The following LRP1B variants were observed in gnomAD, a reference collection of about 807,000 sequenced individuals.
LRP1B encodes LDL receptor related protein 1B, also known as low-density lipoprotein receptor-related protein 1B.
A neutral mutation model predicts 556.6 loss-of-function variants in LRP1B; 217 were observed. That is an observed-to-expected ratio of 0.39 (90% CI 0.35 to 0.44). LRP1B has a LOEUF of 0.44. Among genes scored for constraint, LRP1B ranks in the 20% least tolerant of loss-of-function variants. The probability of loss-of-function intolerance (pLI) is 1.00; values close to 1 mark genes in which losing one functional copy is unlikely to be tolerated. For synonymous variants in LRP1B, 2,047 were observed against 1,865.8 expected (o/e 1.10, Z -2.50); for missense variants, 5,053 against 5,620.8 (o/e 0.90, Z 3.23).
intron 41 of LRP1B, among the ~76,000 whole-genome samples, chr2:140,671,477 C>A (rs938253195): frequency 6.6e-6 from 1 of 152,114 alleles, no homozygotes; most frequent in East Asian, 1.9e-4. Flanking sequence ...GCCAAGATAG[C>A]GCCATTGCAG....
intron 1 of LRP1B, among the ~76,000 whole-genome samples, chr2:142,088,569 C>T (rs984449020): frequency 6.6e-6 from 1 of 152,082 alleles, no homozygotes; most frequent in African/African-American, 2.4e-5. Context: ...CCTTCGCCTA[C>T]AAAAAAGCTA....
At chr2:140,418,766 G>A (rs1332498487) in intron 66 of LRP1B, among the ~76,000 whole-genome samples, 1 of 151,918 alleles carries the variant, frequency 6.6e-6, no homozygotes, top group Non-Finnish European at 1.5e-5. Flanking sequence ...ATATTATGAT[G>A]TAATAATAAT....
chr2:141,648,564 C>T (rs180734849), intron 2 of LRP1B, among the ~76,000 whole-genome samples: 41 of 152,228 alleles, frequency 2.7e-4, no homozygotes, highest in East Asian at 3.9e-4. Context: ...ATATTTGTTT[C>T]CTATTTCATT....
At chr2:141,187,801 AG>A (rs1681323230) in intron 7 of LRP1B, among the ~76,000 whole-genome samples, 1 of 151,982 alleles carries the variant, frequency 6.6e-6, no homozygotes, top group Non-Finnish European at 1.5e-5. Flanking sequence ...GAATGTCAGA[AG>A]GTCTCTATTT....
rs557952367 is a variant in LRP1B at position 140,670,407 on chromosome 2, G to A, written c.6799+29843C>T. On this transcript the variant is annotated intron_variant, in intron 41 of 90. Coordinates refer to ENST00000389484, the MANE Select transcript of LRP1B (RefSeq NM_018557.3). ...CCGCAGTTCTAAATGGTAAGATAAA[G>A]GCGAGGAAAGTCCACTTCCCAAACC... Among the ~76,000 whole-genome samples the A allele has an allele frequency of 2.4e-4, 36 of 152,274 alleles. 1 individual carries two copies. In the South Asian group the frequency reaches 5.2e-3, roughly 22 times the overall value.
At chr2:140,484,646 C>T (rs1345386720) in intron 59 of LRP1B, among the ~76,000 whole-genome samples, 1 of 152,100 alleles carries the variant, frequency 6.6e-6, no homozygotes, top group Non-Finnish European at 1.5e-5. Flanking sequence ...GTACACTCTA[C>T]TGAGCAAAAC....
chr2:141,945,430 CTCTCT>C (rs758313650), intron 1 of LRP1B, among the ~76,000 whole-genome samples: 1 of 151,902 alleles, frequency 6.6e-6, no homozygotes, highest in Middle Eastern at 3.2e-3. Flanking sequence ...CTAACTTTAC[CTCTCT>C]TAAGATATGT....
intron 79 of LRP1B, 91 bp from the exon 80 acceptor site, chr2:140,325,969 T>C (rs1227676539): frequency 3.6e-5 from 28 of 784,360 alleles, no homozygotes; most frequent in South Asian, 1.7e-5. Flanking sequence ...TAATTACACT[T>C]GACATTTGTC....
At chr2:141,643,201 A>G (rs1210431339) in intron 2 of LRP1B, among the ~76,000 whole-genome samples, 3 of 152,166 alleles carry the variant, frequency 2.0e-5, no homozygotes, top group Admixed American at 6.6e-5. Context: ...GTACTCTGCA[A>G]TGGCATGCCT....
chr2:140,930,188 T>C (rs1695010093), intron 20 of LRP1B, among the ~76,000 whole-genome samples: 2 of 152,100 alleles, frequency 1.3e-5, no homozygotes, highest in Non-Finnish European at 2.9e-5. Context: ...GATGACAATT[T>C]ATATGTATAT....
At chr2:141,029,534 C>T (rs1045449875) in intron 11 of LRP1B, among the ~76,000 whole-genome samples, 2 of 152,132 alleles carry the variant, frequency 1.3e-5, no homozygotes, top group African/African-American at 4.8e-5. Context: ...ACAGGGGAGG[C>T]AAACTACAGA....
intron 7 of LRP1B, among the ~76,000 whole-genome samples, chr2:141,065,780 T>C (rs1379055123): frequency 6.6e-6 from 1 of 151,802 alleles, no homozygotes; most frequent in East Asian, 1.9e-4. Context: ...TATTTGATGT[T>C]TTCTGAACAC....
At chr2:140,371,840 G>T (rs1174603447) in intron 69 of LRP1B, among the ~76,000 whole-genome samples, 1 of 151,868 alleles carries the variant, frequency 6.6e-6, no homozygotes, top group Admixed American at 6.6e-5. Context: ...GTATTGTTTT[G>T]GGATTTTAAA....
chr2:141,870,625 T>C (rs554975184), intron 1 of LRP1B, among the ~76,000 whole-genome samples: 3 of 151,970 alleles, frequency 2.0e-5, no homozygotes, highest in Non-Finnish European at 4.4e-5. Context: ...CATTTACATT[T>C]TCCCTCAAGA....
chr2:140,639,452 C>T (rs1298022793), intron 41 of LRP1B, among the ~76,000 whole-genome samples: 2 of 152,182 alleles, frequency 1.3e-5, no homozygotes, highest in Non-Finnish European at 2.9e-5. Flanking sequence ...AAATCTTAGG[C>T]TTGCTTTACA....
At chr2:141,210,404 T>A (rs1394724256) in intron 6 of LRP1B, among the ~76,000 whole-genome samples, 4 of 152,186 alleles carry the variant, frequency 2.6e-5, no homozygotes, top group African/African-American at 9.7e-5. Flanking sequence ...AGTAATAATT[T>A]CTCTCTTTTC....
chr2:140,451,536 C>T (rs1686885923), intron 62 of LRP1B, among the ~76,000 whole-genome samples: 1 of 152,184 alleles, frequency 6.6e-6, no homozygotes, highest in African/African-American at 2.4e-5. Context: ...AGATAATCTG[C>T]AGTATCTTTT....
At chr2:141,495,384 T>C in intron 2 of LRP1B, among the ~76,000 whole-genome samples, 1 of 152,046 alleles carries the variant, frequency 6.6e-6, no homozygotes, top group Non-Finnish European at 1.5e-5. Flanking sequence ...GTCAACGGGA[T>C]CTGAAACAAG....
At chr2:141,300,038 C>A (rs1216853279) in intron 3 of LRP1B, among the ~76,000 whole-genome samples, 1 of 152,176 alleles carries the variant, frequency 6.6e-6, no homozygotes, top group Non-Finnish European at 1.5e-5. Flanking sequence ...GTAAAAGAGA[C>A]CCCAGAGAGC....
Sources: allele counts gnomAD v4.1 joint callset (sites outside exome capture counted in the v4.1 genomes callset), GRCh38; gene constraint gnomAD v4.1.1; transcripts MANE v1.5; gene names NCBI Gene and HGNC (gene_info 2026-07-23, HGNC 2026-07-21).